The following ZNF256 variants were observed in gnomAD, a reference collection of about 807,000 sequenced individuals.
The protein encoded by ZNF256 is zinc finger protein 256, also known as bone marrow zinc finger 3.
ZNF256 carries 4 observed loss-of-function variants against 7.9 expected under a neutral mutation model. The observed-to-expected ratio is 0.50, with a 90% confidence interval of 0.25 to 1.15. The LOEUF is 1.15. Among genes scored for constraint, ZNF256 ranks in the 50% most tolerant of loss-of-function variants. The probability of loss-of-function intolerance (pLI) is 0.15; values close to 1 mark genes in which losing one functional copy is unlikely to be tolerated. For synonymous variants in ZNF256, 260 were observed against 260.4 expected (o/e 1.00, Z 0.02); for missense variants, 666 against 755.9 (o/e 0.88, Z 1.39).
Position 57,942,294 on chromosome 19 carries a change from C to T in ZNF256, c.514G>A (p.Glu172Lys), listed in dbSNP as rs1600196438. 6.2e-7 allele frequency: 1 copy of T among 1,614,228 alleles called. No individual in the cohort carries two copies. Among genetic ancestry groups the T allele is most frequent in the African/African-American group, 1.3e-5 (1 of 75,060 alleles). Reference sequence around the variant, plus strand: ...CTCACCAGGAAATCCTTCCCAACCTCCTTGCAAGTGAAGGGCTTCCCAGAT... The same window carrying T: ...CTCACCAGGAAATCCTTCCCAACCTTCTTGCAAGTGAAGGGCTTCCCAGAT... ...EVSGKPFTCK[E>K]VGKDFLVRSR... Residue 172 changes from glutamate to lysine, a missense_variant, in exon 3 of 3, where the codon GAG becomes AAG. Transcript: ENST00000282308.
Position 57,942,212 on chromosome 19 carries a change from T to C in ZNF256, c.596A>G (p.Lys199Arg), listed in dbSNP as rs369986243. ...AHTRKKSNRT[K>R]SAVAFHSVKN... is the part of the protein sequence containing the mutation. ...TACACTGTGAAAGGCCACTGCACTC[T>C]TGGTTCTGTTTGACTTCTTTCTGGT... The change falls in exon 3 of 3, where the codon AAG (lysine) becomes AGG (arginine). Residue 199 changes from lysine to arginine, a missense_variant. By Grantham distance (26) the Lys-to-Arg change is conservative. Transcript: ENST00000282308. The C allele has an allele frequency of 1.2e-6, 2 of 1,614,266 alleles. No homozygotes were observed. The highest frequency in any genetic ancestry group is 8.5e-7 in the Non-Finnish European group (1 of 1,180,052).
In ZNF256 at chr19:57,942,204, C is replaced by G. The variant is rs759979269; in HGVS notation, c.604G>C (p.Val202Leu). Residue 202 changes from valine to leucine, a missense_variant, in exon 3 of 3, where the codon GTG (valine) becomes CTG (leucine). By Grantham distance (32) the Val-to-Leu change is conservative. Coordinates refer to ENST00000282308, the MANE Select transcript of ZNF256 (RefSeq NM_005773.3). ...TGATTTTTTACACTGTGAAAGGCCA[C>G]TGCACTCTTGGTTCTGTTTGACTTC... ...RKKSNRTKSA[V>L]AFHSVKNHYN... is the part of the protein sequence containing the mutation. 6.2e-7 allele frequency: 1 copy of G among 1,614,254 alleles called. No homozygotes were observed. The highest frequency in any genetic ancestry group is 1.1e-5 in the South Asian group (1 of 91,090).
In ZNF256 at chr19:57,941,282, T is replaced by C. The variant is rs1173192941; in HGVS notation, c.1526A>G (p.His509Arg). 6.2e-7 allele frequency: 1 copy of C among 1,614,146 alleles called. No homozygotes were observed. The highest frequency in any genetic ancestry group is 1.1e-5 in the South Asian group (1 of 91,090). Residue 509 changes from histidine (H) to arginine (R), a missense_variant, in exon 3 of 3, where the codon CAC becomes CGC. Coordinates refer to ENST00000282308, the MANE Select transcript of ZNF256 (RefSeq NM_005773.3). ...SFTHSSTLLQ[H>R]QRVHTGERPY... ...CCTTTCTCCAGTGTGAACTCTCTGGTGTTGAAGGAGCGTAGAGCTATGAGT... is the reference window on the plus strand; with the variant it reads ...CCTTTCTCCAGTGTGAACTCTCTGGCGTTGAAGGAGCGTAGAGCTATGAGT...
intron 2 of ZNF256, among the ~76,000 whole-genome samples, chr19:57,943,407 A>T (rs2072743707): frequency 6.6e-6 from 1 of 152,082 alleles, no homozygotes. Context: ...TCTGACCCCT[A>T]CAATCAAGAA....
rs774034320 is a variant in ZNF256 at position 57,942,083 on chromosome 19, C to T, written c.725G>A (p.Ser242Asn). The change falls in exon 3 of 3, where the codon AGT becomes AAT. Residue 242 changes from serine (S) to asparagine (N), a missense_variant. Ser to Asn is a conservative substitution (Grantham distance 46). Transcript: ENST00000282308. ...TGTGCTAAAAGATTTCCCACATTCACTGCACATGTAAGATCTTTCCCTAAT... is the reference window on the plus strand; with the variant it reads ...TGTGCTAAAAGATTTCCCACATTCATTGCACATGTAAGATCTTTCCCTAAT... ...DLIRERSYMC[S>N]ECGKSFSTSC... The T allele has an allele frequency of 2.5e-6, 4 of 1,614,148 alleles. No individual in the cohort carries two copies. The South Asian group carries it at 4.4e-5, about 18-fold the overall frequency.
chr19:57,947,321 G>T, intron 1 of ZNF256, 121 bp downstream of exon 1: 1 of 1,031,428 alleles, frequency 9.7e-7, no homozygotes, highest in East Asian at 3.3e-5. Context: ...GTTGGAAACG[G>T]GAGCCCCTCC....
intron 1 of ZNF256, 120 bp from the exon 2 acceptor site, chr19:57,944,180 C>CA: frequency 6.9e-7 from 1 of 1,457,604 alleles, no homozygotes; most frequent in Admixed American, 2.3e-5. Context: ...CTCCCCAGCT[C>CA]AGAGGAGAAA....
At chr19:57,944,177 G>C (rs1600197326) in intron 1 of ZNF256, 117 bp from the exon 2 acceptor site, 2 of 1,463,650 alleles carry the variant, frequency 1.4e-6, no homozygotes, top group Non-Finnish European at 1.9e-6. Context: ...AAGCTCCCCA[G>C]CTCAGAGGAG....
At chr19:57,947,047 T>C (rs1361451980) in intron 1 of ZNF256, among the ~76,000 whole-genome samples, 1 of 152,218 alleles carries the variant, frequency 6.6e-6, no homozygotes. Flanking sequence ...GAGTTAGGGC[T>C]AGTGAGAGAC....
intron 1 of ZNF256, among the ~76,000 whole-genome samples, chr19:57,946,089 A>G (rs999784957): frequency 6.6e-6 from 1 of 152,004 alleles, no homozygotes; most frequent in Non-Finnish European, 1.5e-5. Flanking sequence ...GCCAAACTAC[A>G]CTGTCTTTTA....
At position 57,941,844 on chromosome 19, in the gene ZNF256, G is replaced by C; in HGVS notation, c.964C>G (p.Pro322Ala). The C allele has an allele frequency of 6.2e-7, 1 of 1,613,830 alleles. No homozygotes were observed. Among genetic ancestry groups the C allele is most frequent in the East Asian group, 2.2e-5 (1 of 44,846 alleles). Residue 322 changes from proline to alanine, a missense_variant, in exon 3 of 3, where the codon CCT becomes GCT. Pro to Ala is a conservative substitution (Grantham distance 27). Coordinates refer to ENST00000282308, the MANE Select transcript of ZNF256 (RefSeq NM_005773.3). ...IHQRVHTGER[P>A]YKCSECGKSF... The stretch of plus-strand genomic sequence containing the variant: ...TTCCCACATTCACTGCACTTGTAAG[G>C]CCTTTCTCCAGTATGAACTCTCTGA...
chr19:57,947,628 G>C lies in ZNF256; in HGVS notation c.-154C>G, dbSNP rs992653171. ...GTCAGTCACGGATGATGCTGACCCA[G>C]CGCTCCGGGGCTTTCTACCAAGTAA... On this transcript the variant is annotated 5_prime_UTR_variant, in exon 1 of 3. Transcript: ENST00000282308. 2 of 667,578 alleles carry C rather than the reference G, an allele frequency of 3.0e-6. No homozygotes were observed. The highest frequency in any genetic ancestry group is 1.9e-5 in the African/African-American group (1 of 53,268). The allele number at this position is 667,578 out of a possible 1,614,324, so 41.4% of individuals were successfully genotyped here.
At chr19:57,945,147 G>A (rs549463742) in intron 1 of ZNF256, among the ~76,000 whole-genome samples, 1 of 151,808 alleles carries the variant, frequency 6.6e-6, no homozygotes, top group Non-Finnish European at 1.5e-5. Flanking sequence ...TGCCCGCCTC[G>A]GCCTCCCAAA....
At chr19:57,942,696 G>A (rs761667596) in intron 2 of ZNF256, 49 bp from the exon 3 acceptor site, 2 of 1,577,456 alleles carry the variant, frequency 1.3e-6, no homozygotes, top group East Asian at 2.2e-5. Context: ...TTAGTGGAGT[G>A]GAGGTAGCCC....
Position 57,941,029 on chromosome 19 carries a change from G to A in ZNF256, c.1779C>T (p.His593=). 6.2e-7 allele frequency: 1 copy of A among 1,614,126 alleles called. No homozygotes were observed. The highest frequency in any genetic ancestry group is 8.5e-7 in the Non-Finnish European group (1 of 1,180,030). The change falls in exon 3 of 3, where the codon CAC becomes CAT. Residue 593 remains histidine (H), a synonymous_variant. Coordinates refer to ENST00000282308, the MANE Select transcript of ZNF256 (RefSeq NM_005773.3). ...GCCTTTCCCCACTGTGAATTCGCTG[G>A]TGATTAGTGAGGTTAGAGCTCTGGC... is the stretch of plus-strand genomic sequence containing the variant. ...SFSQSSNLTN[H]QRIHSGERPY... is the part of the protein sequence containing the mutation.
At position 57,947,439 on chromosome 19, in the gene ZNF256, T is replaced by A; in HGVS notation, c.33+3A>T. On this transcript the variant is annotated splice_donor_region_variant and intron_variant, in intron 1 of 2. Transcript: ENST00000282308. ...GGGAAGGCCCAGAGGACGCGGCACA[T>A]ACCTGGGCCGGGGCCGTCAGCTCGG... 5 of 1,249,270 alleles carry A rather than the reference T, an allele frequency of 4.0e-6. No homozygotes were observed. Among genetic ancestry groups the A allele is most frequent in the Non-Finnish European group, 5.1e-6 (5 of 988,782 alleles). 77.4% of individuals were successfully genotyped at this position (1,249,270 alleles called of 1,614,324 possible). A position where few individuals can be genotyped will look rare whatever the true frequency, so the allele number is the denominator to read the frequency against.
chr19:57,947,462 C>G lies in ZNF256; in HGVS notation c.13G>C (p.Glu5Gln). The change falls in exon 1 of 3, where the codon GAG (glutamate) becomes CAG (glutamine). Residue 5 changes from glutamate (E) to glutamine (Q), a missense_variant. Transcript: ENST00000282308. MAAA[E>Q]LTAPAQGIVT... ...CATACCTGGGCCGGGGCCGTCAGCT[C>G]GGCCGCCGCCATCTGACTCTGTGAG... The G allele has an allele frequency of 8.0e-7, 1 of 1,249,042 alleles. No homozygotes were observed. Among genetic ancestry groups the G allele is most frequent in the Non-Finnish European group, 1.0e-6 (1 of 988,470 alleles). The allele number at this position is 1,249,042 out of a possible 1,614,324, so 77.4% of individuals were successfully genotyped here.
chr19:57,947,422 C>A lies in ZNF256; in HGVS notation c.33+20G>T. 8.0e-7 allele frequency: 1 copy of A among 1,249,104 alleles called. No homozygotes were observed. The highest frequency in any genetic ancestry group is 1.0e-6 in the Non-Finnish European group (1 of 988,738). 77.4% of individuals were successfully genotyped at this position (1,249,104 alleles called of 1,614,324 possible). ...CTAGCGTGGGGAGGGCGGGGAAGGCCCAGAGGACGCGGCACATACCTGGGC... is the reference window on the plus strand; with the variant it reads ...CTAGCGTGGGGAGGGCGGGGAAGGCACAGAGGACGCGGCACATACCTGGGC... On this transcript the variant is annotated intron_variant, in intron 1 of 2. Transcript: ENST00000282308.
intron 2 of ZNF256, 110 bp from the exon 3 acceptor site, chr19:57,942,757 T>C (rs2072739666): frequency 7.4e-7 from 1 of 1,345,890 alleles, no homozygotes; most frequent in Non-Finnish European, 1.0e-6. Context: ...ATGGGGTTGT[T>C]TTCAGGACCA....
Sources: allele counts gnomAD v4.1 joint callset (sites outside exome capture counted in the v4.1 genomes callset), GRCh38; gene constraint gnomAD v4.1.1; transcripts MANE v1.5; gene names NCBI Gene and HGNC (gene_info 2026-07-23, HGNC 2026-07-21).